CERT1: variants seen among roughly 807,000 people sequenced by gnomAD.
The protein encoded by CERT1 is ceramide transporter 1.
In CERT1, 31 loss-of-function variants were observed where a neutral mutation model predicts 87.9. The observed-to-expected ratio is 0.35, with a 90% confidence interval of 0.27 to 0.48. CERT1 has a LOEUF of 0.48. Among genes scored for constraint, CERT1 ranks in the 20% least tolerant of loss-of-function variants. The pLI, the probability that CERT1 is intolerant of heterozygous loss-of-function variation, is 0.99. For missense variants in CERT1, 487 were observed against 758.0 expected, an observed-to-expected ratio of 0.64 and a Z score of 4.20; for synonymous variants, 289 against 250.9, an observed-to-expected ratio of 1.15 and a Z score of -1.44.
At chr5:75,456,900 C>T (rs1026893654) in intron 3 of CERT1, among the ~76,000 whole-genome samples, 8 of 152,084 alleles carry the variant, frequency 5.3e-5, no homozygotes, top group African/African-American at 1.9e-4. Flanking sequence ...AGGAAGAAAA[C>T]ACAAAACGGG....
chr5:75,470,189 C>T (rs995973982), intron 2 of CERT1, among the ~76,000 whole-genome samples: 2 of 152,118 alleles, frequency 1.3e-5, no homozygotes, highest in Admixed American at 6.6e-5. Context: ...TTAAACTATA[C>T]TCTGGACCAA....
chr5:75,377,620 T>C (rs1465153075), downstream of CERT1: 7 of 152,218 alleles, frequency 4.6e-5, no homozygotes, highest in Admixed American at 3.9e-4. Flanking sequence ...GTGTTTATAG[T>C]ATGCTGCTGC....
chr5:75,380,686 G>C (rs1251676766), intron 16 of CERT1, among the ~76,000 whole-genome samples: 1 of 146,916 alleles, frequency 6.8e-6, no homozygotes, highest in Non-Finnish European at 1.5e-5. Context: ...TACAGAGGCA[G>C]AGAATCGCTT....
intron 2 of CERT1, among the ~76,000 whole-genome samples, chr5:75,500,614 G>A (rs1276742667): frequency 6.6e-6 from 1 of 152,052 alleles, no homozygotes; most frequent in Non-Finnish European, 1.5e-5. Context: ...ACTGACAAAT[G>A]CTCCTCCAAT....
downstream of CERT1, chr5:75,376,169 C>T (rs1302977807): frequency 6.6e-6 from 1 of 152,206 alleles, no homozygotes; most frequent in African/African-American, 2.4e-5. Flanking sequence ...GAAGCAAATG[C>T]TGCTAATATC....
At chr5:75,390,384 T>C (rs538643040) in intron 11 of CERT1, among the ~76,000 whole-genome samples, 2 of 152,330 alleles carry the variant, frequency 1.3e-5, no homozygotes, top group African/African-American at 2.4e-5. Flanking sequence ...AATATTCATA[T>C]ATGCAAGCAT....
At chr5:75,391,881 C>T (rs568071008) in intron 11 of CERT1, among the ~76,000 whole-genome samples, 3 of 152,256 alleles carry the variant, frequency 2.0e-5, no homozygotes, top group South Asian at 4.1e-4. Flanking sequence ...GAAAGAAATG[C>T]TTCCCCCAAA....
At chr5:75,474,001 G>A (rs981703159) in intron 2 of CERT1, among the ~76,000 whole-genome samples, 2 of 152,176 alleles carry the variant, frequency 1.3e-5, no homozygotes, top group Non-Finnish European at 1.5e-5. Flanking sequence ...AAAAACAACA[G>A]GGAAGTAAAA....
chr5:75,417,679 C>T (rs1469439026), intron 6 of CERT1, among the ~76,000 whole-genome samples: 1 of 152,018 alleles, frequency 6.6e-6, no homozygotes, highest in Non-Finnish European at 1.5e-5. Context: ...AGAGATATGA[C>T]AGTAAAGGTA....
chr5:75,511,670 C>T, upstream of CERT1: 1 of 1,522,630 alleles, frequency 6.6e-7, no homozygotes, highest in Non-Finnish European at 8.8e-7. Context: ...CTTCGTCCTC[C>T]CATTCTCCCC....
chr5:75,511,334 G>C lies in CERT1; in HGVS notation c.-127C>G. ...AGAGTGCCCGCTCCGGTGTGGGGGGGAGCAGGAGGAGGGACGAAGTCCGCC... is the reference window on the plus strand; with the variant it reads ...AGAGTGCCCGCTCCGGTGTGGGGGGCAGCAGGAGGAGGGACGAAGTCCGCC... On this transcript the variant is annotated 5_prime_UTR_variant, in exon 1 of 17. Coordinates refer to ENST00000643780, the MANE Select transcript of CERT1 (RefSeq NM_001379029.1). The C allele has an allele frequency of 6.5e-7, 1 of 1,546,024 alleles. No homozygotes were observed. Among genetic ancestry groups the C allele is most frequent in the Non-Finnish European group, 8.7e-7 (1 of 1,146,166 alleles).
chr5:75,381,131 T>G lies in CERT1; in HGVS notation c.1688A>C (p.Glu563Ala), dbSNP rs936110598. The change falls in exon 16 of 17, where the codon GAG (glutamate) becomes GCG (alanine). Residue 563 changes from glutamate (E) to alanine (A), a missense_variant. By Grantham distance (107) the Glu-to-Ala change is moderately radical. Coordinates refer to ENST00000643780, the MANE Select transcript of CERT1 (RefSeq NM_001379029.1). ...MICQTLVSPPEGNQEISRDNI... is the reference protein window; with the variant it reads ...MICQTLVSPPAGNQEISRDNI... ...GTCCCTGCTAATTTCCTGGTTTCCC[T>G]CTGGTGGGCTTACCAAGGTTTGACA... The G allele has an allele frequency of 1.2e-6, 2 of 1,613,986 alleles. No homozygotes were observed. Among genetic ancestry groups the G allele is most frequent in the African/African-American group, 1.3e-5 (1 of 74,910 alleles).
chr5:75,494,712 T>A (rs888869315), intron 2 of CERT1, among the ~76,000 whole-genome samples: 6 of 152,218 alleles, frequency 3.9e-5, no homozygotes, highest in Non-Finnish European at 7.4e-5. Flanking sequence ...TAACTGATAG[T>A]TTAGGATCTG....
downstream of CERT1, chr5:75,372,829 C>T (rs985556586): frequency 1.3e-5 from 2 of 152,174 alleles, no homozygotes; most frequent in Non-Finnish European, 2.9e-5. Flanking sequence ...TGATTTTCCG[C>T]TTTACAAAAT....
At chr5:75,494,285 G>C (rs1053776141) in intron 2 of CERT1, among the ~76,000 whole-genome samples, 2 of 152,102 alleles carry the variant, frequency 1.3e-5, no homozygotes, top group African/African-American at 4.8e-5. Flanking sequence ...GTTATCTTTA[G>C]GTCAAAACTT....
chr5:75,480,387 T>C (rs1580831079), intron 2 of CERT1, among the ~76,000 whole-genome samples: 1 of 152,326 alleles, frequency 6.6e-6, no homozygotes, highest in Middle Eastern at 3.4e-3. Context: ...TCCTTATATC[T>C]CATTGTTAAG....
chr5:75,391,110 G>A (rs1252836725), intron 11 of CERT1, among the ~76,000 whole-genome samples: 2 of 152,146 alleles, frequency 1.3e-5, no homozygotes, highest in African/African-American at 2.4e-5. Flanking sequence ...GACTACAGGA[G>A]TGCACCACCA....
At chr5:75,434,186 G>GT (rs370209071) in intron 3 of CERT1, among the ~76,000 whole-genome samples, 24,398 of 126,706 alleles carry the variant, frequency 0.19, 2,624 homozygotes, top group African/African-American at 0.29. Context: ...GTTTGTTGAG[G>GT]TTTTTTTTTT....
At chr5:75,392,907 T>G (rs1365480619) in intron 11 of CERT1, among the ~76,000 whole-genome samples, 4 of 117,518 alleles carry the variant, frequency 3.4e-5, no homozygotes, top group Non-Finnish European at 6.4e-5. Context: ...GAGGCGGAGG[T>G]GGCAGTGAGC....
Sources: gnomAD v4.1 joint callset for allele counts (sites outside exome capture counted in the v4.1 genomes callset) on GRCh38, gnomAD v4.1.1 for gene constraint, MANE v1.5 for transcripts, NCBI Gene and HGNC (gene_info 2026-07-23, HGNC 2026-07-21) for gene names.